The following PCDHGA11 variants were observed in gnomAD, a reference collection of about 807,000 sequenced individuals.
PCDHGA11 encodes the protein protocadherin gamma-A11.
Under a neutral mutation model 60.4 loss-of-function variants are expected in PCDHGA11, and 39 were observed. The observed-to-expected ratio is 0.65, with a 90% CI of 0.50 to 0.84. The LOEUF (loss-of-function observed/expected upper bound fraction) is 0.84, where lower values mean the gene tolerates loss of function less well. Among genes scored for constraint, PCDHGA11 ranks in the 40% least tolerant of loss-of-function variants. The pLI, the probability that PCDHGA11 is intolerant of heterozygous loss-of-function variation, is 0.00. For synonymous variants in PCDHGA11, 533 were observed against 510.3 expected, an observed-to-expected ratio of 1.04 and a Z score of -0.60; for missense variants, 1,165 against 1,197.7, an observed-to-expected ratio of 0.97 and a Z score of 0.40.
At chr5:141,429,610 T>C (rs2097228693) in intron 1 of PCDHGA11, among the ~76,000 whole-genome samples, 2 of 152,230 alleles carry the variant, frequency 1.3e-5, no homozygotes, top group African/African-American at 4.8e-5. Flanking sequence ...AACTCAATTT[T>C]ATGTCTGATA....
At chr5:141,430,853 C>G (rs769009864) in intron 1 of PCDHGA11, 2 of 1,587,214 alleles carry the variant, frequency 1.3e-6, no homozygotes, top group Non-Finnish European at 1.7e-6. Flanking sequence ...CACCCAGATA[C>G]GCTATTCAGT....
intron 3 of PCDHGA11, among the ~76,000 whole-genome samples, chr5:141,510,378 C>A (rs919650449): frequency 6.6e-6 from 1 of 151,786 alleles, no homozygotes; most frequent in East Asian, 2.0e-4. Flanking sequence ...TCTACTCGTG[C>A]CAGGCCTTGC....
chr5:141,486,030 C>A lies in PCDHGA11; in HGVS notation c.2434-8777C>A. The A allele has an allele frequency of 6.2e-7, 1 of 1,614,164 alleles. No homozygotes were observed. The highest frequency in any genetic ancestry group is 8.5e-7 in the Non-Finnish European group (1 of 1,180,012). ...ACCTTTTATTTCAGTGGTCATACCC[C>A]TGATCGTGTAAGAAACCTCTTTAGC... On this transcript the variant is annotated intron_variant, in intron 1 of 3. Coordinates refer to ENST00000398587, the MANE Select transcript of PCDHGA11 (RefSeq NM_018914.3). The surrounding 1 kb of genome is among the most constrained non-coding windows in gnomAD (Gnocchi z 5.0).
intron 1 of PCDHGA11, among the ~76,000 whole-genome samples, chr5:141,454,628 A>C (rs1008375225): frequency 1.3e-4 from 19 of 151,334 alleles, no homozygotes; most frequent in African/African-American, 4.4e-4. Context: ...CTGGTCTCGA[A>C]CCCCCAACCT....
chr5:141,421,647 G>A lies in PCDHGA11; in HGVS notation c.420G>A (p.Glu140=). The A allele has an allele frequency of 6.2e-7, 1 of 1,613,872 alleles. No individual in the cohort carries two copies. The highest frequency in any genetic ancestry group is 8.5e-7 in the Non-Finnish European group (1 of 1,179,808). ...CCAGCTTCCAGGAGGACGAAGTGGA[G>A]ATAAAAGTCAGTGAGCACGCAATTC... ...NAPSFQEDEV[E]IKVSEHAIPG... The change falls in exon 1 of 4, where the codon GAG becomes GAA. Residue 140 remains glutamate, a synonymous_variant. Transcript: ENST00000398587.
chr5:141,488,885 T>C (rs1401230063), intron 1 of PCDHGA11, among the ~76,000 whole-genome samples: 1 of 152,194 alleles, frequency 6.6e-6, no homozygotes, highest in Admixed American at 6.5e-5. Flanking sequence ...GAAGCTTCTG[T>C]GACACAGATT....
intron 1 of PCDHGA11, among the ~76,000 whole-genome samples, chr5:141,447,984 G>C (rs1300057273): frequency 6.6e-6 from 1 of 151,952 alleles, no homozygotes; most frequent in African/African-American, 2.4e-5. Context: ...TACTCGGGAG[G>C]CTGAGGCATG....
Position 141,478,120 on chromosome 5 carries a change from G to A in PCDHGA11, c.2434-16687G>A, listed in dbSNP as rs772548778. 3.1e-6 allele frequency: 5 copies of A among 1,613,948 alleles called. No homozygotes were observed. In the Admixed American group the frequency reaches 6.7e-5, roughly 22 times the overall value. ...CTACCCTCACTGTGTCAGTAACCGA[G>A]GACTCTCCTGAAGCCCGAGCCGAGT... On this transcript the variant is annotated intron_variant, in intron 1 of 3. Coordinates refer to ENST00000398587, the MANE Select transcript of PCDHGA11 (RefSeq NM_018914.3).
rs2099606006 is a variant in PCDHGA11, at chr5:141,485,058, G to A, written c.2434-9749G>A. Reference sequence around the variant, plus strand: ...TAACCCTTGCGGCGCCGGCCGAACCGCGCCAGAGCTGGCGCGGGGAAAGGG... The same window carrying A: ...TAACCCTTGCGGCGCCGGCCGAACCACGCCAGAGCTGGCGCGGGGAAAGGG... On this transcript the variant is annotated intron_variant, in intron 1 of 3. Coordinates refer to ENST00000398587, the MANE Select transcript of PCDHGA11 (RefSeq NM_018914.3). The surrounding 1 kb of genome is among the most constrained non-coding windows in gnomAD (Gnocchi z 5.7). 1 of 848,828 alleles carries A rather than the reference G, an allele frequency of 1.2e-6. No individual in the cohort carries two copies. The highest frequency in any genetic ancestry group is 1.9e-6 in the Non-Finnish European group (1 of 529,084). The allele number at this position is 848,828 out of a possible 1,614,324, so 52.6% of individuals were successfully genotyped here.
chr5:141,489,364 G>A lies in PCDHGA11; in HGVS notation c.2434-5443G>A, dbSNP rs2099686163. On this transcript the variant is annotated intron_variant, in intron 1 of 3. Coordinates refer to ENST00000398587, the MANE Select transcript of PCDHGA11 (RefSeq NM_018914.3). The surrounding 1 kb of genome is among the most constrained non-coding windows in gnomAD (Gnocchi z 4.5). The stretch of plus-strand genomic sequence containing the variant: ...CTCAGTGGTGGAGGAGTCTGAGCCG[G>A]GGACGCTGGTGGGGAATGTTGCTCA... 1 of 1,613,450 alleles carries A rather than the reference G, an allele frequency of 6.2e-7. No homozygotes were observed. The highest frequency in any genetic ancestry group is 1.1e-5 in the South Asian group (1 of 91,042).
chr5:141,466,766 T>G (rs1309395984), intron 1 of PCDHGA11, among the ~76,000 whole-genome samples: 2 of 152,194 alleles, frequency 1.3e-5, no homozygotes, highest in Non-Finnish European at 2.9e-5. Context: ...TTTCAAACTG[T>G]TATCTTATTC....
rs569220332 is a variant in PCDHGA11, at chr5:141,475,688, A to G, written c.2434-19119A>G. 2.0e-5 allele frequency among the ~76,000 whole-genome samples: 3 copies of G among 152,330 alleles called. No homozygotes were observed. In the South Asian group the frequency reaches 6.2e-4, roughly 32 times the overall value. On this transcript the variant is annotated intron_variant, in intron 1 of 3. Coordinates refer to ENST00000398587, the MANE Select transcript of PCDHGA11 (RefSeq NM_018914.3). ...TTTAATGAGTCTTGATTTGGATTGG[A>G]GACTTGCAGAACGGCTAGCCTCACA...
chr5:141,484,277 G>T (rs1026083889), intron 1 of PCDHGA11, among the ~76,000 whole-genome samples: 1 of 152,126 alleles, frequency 6.6e-6, no homozygotes, highest in South Asian at 2.1e-4. Context: ...TTACTGTTTT[G>T]AAACATCTCC....
At chr5:141,456,453 A>G (rs1395554812) in intron 1 of PCDHGA11, among the ~76,000 whole-genome samples, 1 of 152,190 alleles carries the variant, frequency 6.6e-6, no homozygotes, top group Non-Finnish European at 1.5e-5. Flanking sequence ...GAGTCCAAAT[A>G]TCAATACAAG....
chr5:141,430,790 A>G, intron 1 of PCDHGA11: 1 of 1,516,892 alleles, frequency 6.6e-7, no homozygotes, highest in South Asian at 1.3e-5. Context: ...CCGGGACTAC[A>G]AAGGGCTTGT....
rs1270447529 is a variant in PCDHGA11 at position 141,490,526 on chromosome 5, C to A, written c.2434-4281C>A. 3 of 1,614,116 alleles carry A rather than the reference C, an allele frequency of 1.9e-6. No homozygotes were observed. Among genetic ancestry groups the A allele is most frequent in the Non-Finnish European group, 2.5e-6 (3 of 1,180,008 alleles). On this transcript the variant is annotated intron_variant, in intron 1 of 3. Transcript: ENST00000398587. This position sits in a 1 kb window ranked among gnomAD's most constrained non-coding sequence, Gnocchi z 5.4. ...ATCATCGAGCTGCTGGCCAGCGATG[C>A]TGGTTCACCTTCCCTACACAAACAT...
intron 2 of PCDHGA11, among the ~76,000 whole-genome samples, chr5:141,500,928 G>A (rs2099803943): frequency 6.6e-6 from 1 of 151,476 alleles, no homozygotes; most frequent in African/African-American, 2.4e-5. Context: ...GGGTGCAGTG[G>A]CGCCATCTCG....
rs751318430 is a variant in PCDHGA11 at position 141,485,603 on chromosome 5, G to A, written c.2434-9204G>A. 1 of 1,612,482 alleles carries A rather than the reference G, an allele frequency of 6.2e-7. No homozygotes were observed. The stretch of plus-strand genomic sequence containing the variant: ...GCAGCAGCTGGACTTGGAAATTGGG[G>A]AGGCAGCTCCTCCAGGACAGCGTTT... On this transcript the variant is annotated intron_variant, in intron 1 of 3. Coordinates refer to ENST00000398587, the MANE Select transcript of PCDHGA11 (RefSeq NM_018914.3). This position sits in a 1 kb window ranked among gnomAD's most constrained non-coding sequence, Gnocchi z 5.7.
intron 1 of PCDHGA11, among the ~76,000 whole-genome samples, chr5:141,474,404 G>A (rs1014003488): frequency 4.6e-5 from 7 of 152,156 alleles, no homozygotes; most frequent in East Asian, 1.9e-4. Context: ...CAAGCTCCCC[G>A]GTGATGCCTA....
Sources: gnomAD v4.1 joint callset for allele counts (sites outside exome capture counted in the v4.1 genomes callset) on GRCh38, gnomAD v4.1.1 for gene constraint, Gnocchi (gnomAD v3.1) non-coding constraint, MANE v1.5 for transcripts, NCBI Gene and HGNC (gene_info 2026-07-23, HGNC 2026-07-21) for gene names.